The following NGFR variants were observed in gnomAD, a reference collection of about 807,000 sequenced individuals.
NGFR encodes the protein nerve growth factor receptor.
In NGFR, 30 loss-of-function variants were observed where a neutral mutation model predicts 43.2. The observed-to-expected ratio is 0.69, with a 90% CI of 0.52 to 0.94. NGFR has a LOEUF of 0.94. Among genes scored for constraint, NGFR ranks in the 40% least tolerant of loss-of-function variants. The pLI, the probability that NGFR is intolerant of heterozygous loss-of-function variation, is 0.00. For synonymous variants in NGFR, 246 were observed against 259.6 expected, an observed-to-expected ratio of 0.95 and a Z score of 0.50; for missense variants, 529 against 602.5, an observed-to-expected ratio of 0.88 and a Z score of 1.28.
chr17:49,502,374 C>T lies in NGFR; in HGVS notation c.208+170C>T, dbSNP rs115863773. ...GTGTAGGAGGCGCTTCTCCCAGATT[C>T]GAGAAGCTGAGAATGGAGAAGGGAA... On this transcript the variant is annotated intron_variant, in intron 2 of 5. Transcript: ENST00000172229. Among the ~76,000 whole-genome samples the T allele has an allele frequency of 5.7e-3, 874 of 152,060 alleles. 7 individuals are homozygous for T. Among genetic ancestry groups the T allele is most frequent in the African/African-American group, 0.02 (841 of 41,446 alleles).
intron 3 of NGFR, 134 bp from the exon 4 acceptor site, chr17:49,510,278 C>A: frequency 7.6e-7 from 1 of 1,309,644 alleles, no homozygotes; most frequent in Non-Finnish European, 1.1e-6. Flanking sequence ...CACGCAATCC[C>A]AGCTGTGCAT....
In NGFR at chr17:49,512,031, A is replaced by AC; in HGVS notation, c.962dup (p.Gln322AlafsTer11). ...GAGCCTGCATGACCAGCAGCCCCACACGCAGACAGCCTCGGGCCAGGGTGA... is the reference window on the plus strand; with the variant it reads ...GAGCCTGCATGACCAGCAGCCCCACACCGCAGACAGCCTCGGGCCAGGGTGA... On this transcript the variant is annotated frameshift_variant, in exon 5 of 6. Coordinates refer to ENST00000172229, the MANE Select transcript of NGFR (RefSeq NM_002507.4). LOFTEE classifies it high-confidence loss of function. The surrounding 1 kb of genome is among the most constrained non-coding windows in gnomAD (Gnocchi z 5.2). 1 of 1,613,612 alleles carries AC rather than the reference A, an allele frequency of 6.2e-7. No individual in the cohort carries two copies. The highest frequency in any genetic ancestry group is 8.5e-7 in the Non-Finnish European group (1 of 1,179,848).
chr17:49,502,000 A>ACGCCC, intron 1 of NGFR, 63 bp from the exon 2 acceptor site: 12 of 264,886 alleles, frequency 4.5e-5, no homozygotes, highest in Non-Finnish European at 7.1e-5. Context: ...CCCCGGAAGA[A>ACGCCC]CCCCCCCCAA....
chr17:49,510,567 G>T lies in NGFR; in HGVS notation c.724G>T (p.Val242Leu), dbSNP rs777677789. The part of the protein sequence containing the change: ...VTTVMGSSQP[V>L]VTRGTTDNLI... ...CACAGTGATGGGCAGCTCCCAGCCCGTGGTGACCCGAGGCACCACCGACAA... is the reference window on the plus strand; with the variant it reads ...CACAGTGATGGGCAGCTCCCAGCCCTTGGTGACCCGAGGCACCACCGACAA... The change falls in exon 4 of 6, where the codon GTG (valine) becomes TTG (leucine). Residue 242 changes from valine to leucine, a missense_variant. Transcript: ENST00000172229. 1.2e-6 allele frequency: 2 copies of T among 1,613,996 alleles called. No individual in the cohort carries two copies. Among genetic ancestry groups the T allele is most frequent in the Non-Finnish European group, 8.5e-7 (1 of 1,179,992 alleles).
At position 49,512,914 on chromosome 17, in the gene NGFR, A is replaced by G. The variant is rs2071243750; in HGVS notation, c.1189A>G (p.Thr397Ala). 1.2e-6 allele frequency: 2 copies of G among 1,612,448 alleles called. No homozygotes were observed. Among genetic ancestry groups the G allele is most frequent in the Non-Finnish European group, 1.7e-6 (2 of 1,179,594 alleles). Reference sequence around the variant, plus strand: ...AAGCTGGGCCACCCAGGACAGCGCCACACTGGACGCCCTCCTGGCCGCCCT... The same window carrying G: ...AAGCTGGGCCACCCAGGACAGCGCCGCACTGGACGCCCTCCTGGCCGCCCT... ...LASWATQDSATLDALLAALRR... is the reference protein window; with the variant it reads ...LASWATQDSAALDALLAALRR... The change falls in exon 6 of 6, where the codon ACA (threonine) becomes GCA (alanine). Residue 397 changes from threonine (T) to alanine (A), a missense_variant. Thr to Ala is a moderately conservative substitution (Grantham distance 58). Transcript: ENST00000172229. The surrounding 1 kb of genome is among the most constrained non-coding windows in gnomAD (Gnocchi z 5.2).
rs565617570 is a variant in NGFR at position 49,495,315 on chromosome 17, G to C, written c.-103G>C. 1.0e-5 allele frequency: 10 copies of C among 983,730 alleles called. No homozygotes were observed. The African/African-American group carries it at 1.5e-4, about 15-fold the overall frequency. 60.9% of individuals were successfully genotyped at this position (983,730 alleles called of 1,614,324 possible). Reference sequence around the variant, plus strand: ...GCCAGAGCGAGCCGAGCCGCGGCCAGCTCCGGCGGGCAGGGGGGGCGCTGG... The same window carrying C: ...GCCAGAGCGAGCCGAGCCGCGGCCACCTCCGGCGGGCAGGGGGGGCGCTGG... On this transcript the variant is annotated 5_prime_UTR_variant, in exon 1 of 6. Transcript: ENST00000172229. This position sits in a 1 kb window ranked among gnomAD's most constrained non-coding sequence, Gnocchi z 6.4.
chr17:49,510,939 A>G (rs2071228418), intron 4 of NGFR: 2 of 452,174 alleles, frequency 4.4e-6, no homozygotes, highest in South Asian at 2.6e-5. Context: ...CCCACCCCCA[A>G]CTGCTTGTGT....
At chr17:49,511,748 A>G (rs2071233760) in intron 4 of NGFR, 144 bp from the exon 5 acceptor site, 1 of 945,102 alleles carries the variant, frequency 1.1e-6, no homozygotes, top group African/African-American at 1.7e-5. Flanking sequence ...AGATGTGCAA[A>G]GAGGAGCCTT....
At chr17:49,504,023 T>C (rs1325490199) in intron 2 of NGFR, among the ~76,000 whole-genome samples, 1 of 151,588 alleles carries the variant, frequency 6.6e-6, no homozygotes, top group African/African-American at 2.4e-5. Flanking sequence ...CTCCCCTCCA[T>C]TTTCCCCTCC....
chr17:49,495,643 TC>T lies in NGFR; in HGVS notation c.66+161del, dbSNP rs1476182695. 1 of 629,298 alleles carries T rather than the reference TC, an allele frequency of 1.6e-6. No homozygotes were observed. The highest frequency in any genetic ancestry group is 1.9e-5 in the African/African-American group (1 of 52,574). 39.0% of individuals were successfully genotyped at this position (629,298 alleles called of 1,614,324 possible). ...CTGATGCCGGGACCACGAAGGAGGG[TC>T]TAGGGTTCCCGGAGCGCAGAGGCGA... On this transcript the variant is annotated intron_variant, in intron 1 of 5. Coordinates refer to ENST00000172229, the MANE Select transcript of NGFR (RefSeq NM_002507.4). This position sits in a 1 kb window ranked among gnomAD's most constrained non-coding sequence, Gnocchi z 6.4.
chr17:49,513,015 AC>A lies in NGFR; in HGVS notation c.*8del, dbSNP rs2071244940. ...CTGCCACATCCCCGGTGTGAGCCCA[AC>A]CGGGGAGCCCCCGCCCCGCCCCACA... is the stretch of plus-strand genomic sequence containing the variant. On this transcript the variant is annotated 3_prime_UTR_variant, in exon 6 of 6. Transcript: ENST00000172229. The A allele has an allele frequency of 6.6e-7, 1 of 1,525,726 alleles. No homozygotes were observed. The highest frequency in any genetic ancestry group is 1.4e-5 in the African/African-American group (1 of 72,954). 94.5% of individuals were successfully genotyped at this position (1,525,726 alleles called of 1,614,324 possible).
At chr17:49,498,883 C>A (rs1597859042) in intron 1 of NGFR, among the ~76,000 whole-genome samples, 1 of 152,130 alleles carries the variant, frequency 6.6e-6, no homozygotes, top group Non-Finnish European at 1.5e-5. Context: ...TAAACTCTCC[C>A]CTCCTGCCTG....
chr17:49,502,000 A>AGGGCG, intron 1 of NGFR, 63 bp from the exon 2 acceptor site: 1 of 264,884 alleles, frequency 3.8e-6, no homozygotes, highest in Non-Finnish European at 7.9e-6. Flanking sequence ...CCCCGGAAGA[A>AGGGCG]CCCCCCCCAA....
intron 1 of NGFR, among the ~76,000 whole-genome samples, 173 bp from the exon 2 acceptor site, chr17:49,501,890 C>A (rs1158654115): frequency 6.6e-6 from 1 of 152,246 alleles, no homozygotes; most frequent in Non-Finnish European, 1.5e-5. Context: ...CCCTCACTTG[C>A]CTTTCCCCTG....
Position 49,512,803 on chromosome 17 carries a change from C to A in NGFR, c.1078C>A (p.Arg360=), listed in dbSNP as rs752053070. Residue 360 remains arginine, a synonymous_variant, in exon 6 of 6, where the codon CGG becomes AGG. Coordinates refer to ENST00000172229, the MANE Select transcript of NGFR (RefSeq NM_002507.4). This position sits in a 1 kb window ranked among gnomAD's most constrained non-coding sequence, Gnocchi z 5.2. ...LLNGSAGDTW[R]HLAGELGYQP... Reference sequence around the variant, plus strand: ...CAACGGCTCTGCGGGGGACACCTGGCGGCACCTGGCGGGCGAGCTGGGCTA... The same window carrying A: ...CAACGGCTCTGCGGGGGACACCTGGAGGCACCTGGCGGGCGAGCTGGGCTA... The A allele has an allele frequency of 8.7e-6, 14 of 1,613,368 alleles. No individual in the cohort carries two copies. The highest frequency in any genetic ancestry group is 3.3e-5 in the Admixed American group (2 of 60,008).
chr17:49,496,590 G>C (rs989816348), intron 1 of NGFR: 2 of 152,264 alleles, frequency 1.3e-5, no homozygotes. Flanking sequence ...GCGCTGCGGG[G>C]CGAGGCAAGT....
At chr17:49,501,947 C>A in intron 1 of NGFR, 116 bp from the exon 2 acceptor site, 1 of 1,073,712 alleles carries the variant, frequency 9.3e-7, no homozygotes, top group Non-Finnish European at 1.3e-6. Context: ...CATCCCAGCC[C>A]AGGTGGTTCT....
chr17:49,502,821 TTCCTTC>T, intron 2 of NGFR, among the ~76,000 whole-genome samples: 1 of 117,248 alleles, frequency 8.5e-6, no homozygotes. Flanking sequence ...GATTTCTTCC[TTCCTTC>T]CTTCCTTCCT....
chr17:49,500,487 A>G (rs1236473332), intron 1 of NGFR, among the ~76,000 whole-genome samples: 1 of 152,228 alleles, frequency 6.6e-6, no homozygotes, highest in Non-Finnish European at 1.5e-5. Flanking sequence ...AAAAGCAGAG[A>G]GAACCGGAGA....
Sources: allele counts gnomAD v4.1 joint callset (sites outside exome capture counted in the v4.1 genomes callset), GRCh38; gene constraint gnomAD v4.1.1; non-coding constraint Gnocchi (gnomAD v3.1); transcripts MANE v1.5; gene names NCBI Gene and HGNC (gene_info 2026-07-23, HGNC 2026-07-21).